INPP4A: variants seen among roughly 807,000 people sequenced by gnomAD.
The protein encoded by INPP4A is inositol polyphosphate-4-phosphatase, type I, 107kD.
INPP4A carries 33 observed loss-of-function variants against 119.8 expected under a neutral mutation model. That is an observed-to-expected ratio of 0.28 (90% CI 0.21 to 0.37). INPP4A has a LOEUF of 0.37. INPP4A is among the 10% of genes least tolerant of loss of function. INPP4A has a pLI of 1.00. For missense variants in INPP4A, 956 were observed against 1,289.9 expected (o/e 0.74, Z 3.97); for synonymous variants, 496 against 500.7 (o/e 0.99, Z 0.12).
At chr2:98,457,980 T>A (rs12622996) in intron 1 of INPP4A, among the ~76,000 whole-genome samples, 2,521 of 99,876 alleles carry the variant, frequency 0.025, 16 homozygotes, top group African/African-American at 0.044. Flanking sequence ...AAACAAAAAT[T>A]TTTTTTTTTT....
rs562780768 is a variant in INPP4A, at chr2:98,483,216, G to A, written c.-165-35748G>A. 3.9e-5 allele frequency among the ~76,000 whole-genome samples: 6 copies of A among 152,232 alleles called. No homozygotes were observed. In the South Asian group the frequency reaches 1.2e-3, roughly 32 times the overall value. ...GACCAATACACTTGAAACTACATAT[G>A]CCTTCCCACCTTCTCTCTAGGTTAC... is the stretch of plus-strand genomic sequence containing the variant. On this transcript the variant is annotated intron_variant, in intron 1 of 24. Coordinates refer to ENST00000409851, the MANE Select transcript of INPP4A (RefSeq NM_001134225.2).
At chr2:98,571,526 T>G (rs1185860383) in intron 22 of INPP4A, among the ~76,000 whole-genome samples, 1 of 152,144 alleles carries the variant, frequency 6.6e-6, no homozygotes, top group African/African-American at 2.4e-5. Context: ...GGGGAGCTGT[T>G]ACAATGGGCA....
chr2:98,553,059 C>A, intron 14 of INPP4A, 90 bp downstream of exon 14: 1 of 1,008,502 alleles, frequency 9.9e-7, no homozygotes, highest in Non-Finnish European at 1.5e-6. Flanking sequence ...TAAGATGGTC[C>A]ACAAAGAGCG....
intron 1 of INPP4A, among the ~76,000 whole-genome samples, chr2:98,474,935 G>C (rs1052476484): frequency 3.3e-5 from 5 of 152,218 alleles, no homozygotes; most frequent in Admixed American, 3.3e-4. Flanking sequence ...AGTTAAAGAT[G>C]ACTTAGGCCC....
rs1691004702 is a variant in INPP4A, at chr2:98,539,603, T to C, written c.746T>C (p.Met249Thr). The change falls in exon 10 of 25, where the codon ATG becomes ACG. Residue 249 changes from methionine (M) to threonine (T), a missense_variant. Met to Thr is a moderately conservative substitution (Grantham distance 81). Transcript: ENST00000409851. ...AACCATTTGCGGATCCTGGAGCAGA[T>C]GGCAGAGAGCGTGCTCTCCCTGCAC... ...DGNHLRILEQ[M>T]AESVLSLHVP... 1 of 1,612,200 alleles carries C rather than the reference T, an allele frequency of 6.2e-7. No individual in the cohort carries two copies. Among genetic ancestry groups the C allele is most frequent in the South Asian group, 1.1e-5 (1 of 90,842 alleles).
chr2:98,581,486 A>G, intron 24 of INPP4A: 1 of 1,280,336 alleles, frequency 7.8e-7, no homozygotes. Flanking sequence ...CCTTTTTGAT[A>G]AAATCCATCG....
rs746606069 is a variant in INPP4A, at chr2:98,496,179, C to T, written c.-165-22785C>T. Among the ~76,000 whole-genome samples the T allele has an allele frequency of 8.5e-4, 130 of 152,292 alleles. 2 individuals carry two copies. The highest frequency in any genetic ancestry group is 3.4e-3 in the Middle Eastern group (1 of 294). ...GACATGTCCAACCTCCTCTTCCCAT[C>T]ATAGCCTTAACTAGATATTCGGGTT... On this transcript the variant is annotated intron_variant, in intron 1 of 24. Coordinates refer to ENST00000409851, the MANE Select transcript of INPP4A (RefSeq NM_001134225.2).
Position 98,564,627 on chromosome 2 carries a change from C to T in INPP4A, c.2029-13C>T, listed in dbSNP as rs1280785520. The T allele has an allele frequency of 1.2e-6, 2 of 1,612,758 alleles. No individual in the cohort carries two copies. Among genetic ancestry groups the T allele is most frequent in the Non-Finnish European group, 8.5e-7 (1 of 1,179,832 alleles). On this transcript the variant is annotated splice_polypyrimidine_tract_variant and intron_variant, in intron 18 of 24. Transcript: ENST00000409851. ...CACCTGACCCTGAACCTCTTCACCC[C>T]ACGCTCCCACAGCTGACCGCCCTCA... is the stretch of plus-strand genomic sequence containing the variant.
chr2:98,475,875 T>C (rs1471872235), intron 1 of INPP4A, among the ~76,000 whole-genome samples: 5 of 152,256 alleles, frequency 3.3e-5, no homozygotes, highest in Non-Finnish European at 4.4e-5. Context: ...CAGTGTGGAA[T>C]GCTGTTATAA....
At chr2:98,481,362 AGTGGGGGCTTGGTCCCTT>A (rs1290376803) in intron 1 of INPP4A, among the ~76,000 whole-genome samples, 2 of 152,136 alleles carry the variant, frequency 1.3e-5, no homozygotes. Context: ...TTCCTATACC[AGTGGGGGCTTGGTCCCTT>A]GGCACGCATA....
chr2:98,499,653 A>G (rs1183984995), intron 1 of INPP4A, among the ~76,000 whole-genome samples: 1 of 152,254 alleles, frequency 6.6e-6, no homozygotes, highest in Non-Finnish European at 1.5e-5. Flanking sequence ...AGTGTCAGAA[A>G]GTCCCTTTTT....
chr2:98,517,409 T>C (rs1224653313), intron 1 of INPP4A, among the ~76,000 whole-genome samples: 1 of 152,196 alleles, frequency 6.6e-6, no homozygotes, highest in Non-Finnish European at 1.5e-5. Flanking sequence ...GGTAGGTGCA[T>C]GTTCAACTTA....
At chr2:98,446,626 T>C (rs932373747) in intron 1 of INPP4A, among the ~76,000 whole-genome samples, 2 of 152,238 alleles carry the variant, frequency 1.3e-5, no homozygotes, top group African/African-American at 4.8e-5. Flanking sequence ...GAAAGAAACA[T>C]TGTGTTTCTA....
chr2:98,489,270 CA>C (rs1680201330), intron 1 of INPP4A, among the ~76,000 whole-genome samples: 1 of 151,958 alleles, frequency 6.6e-6, no homozygotes, highest in African/African-American at 2.4e-5. Context: ...ACCAGGAGTT[CA>C]GGGGCGGGTG....
chr2:98,479,924 TC>T (rs1449731103), intron 1 of INPP4A, among the ~76,000 whole-genome samples: 1 of 152,146 alleles, frequency 6.6e-6, no homozygotes, highest in Non-Finnish European at 1.5e-5. Flanking sequence ...GTTTGTGACT[TC>T]CTAGAAAGCC....
intron 1 of INPP4A, among the ~76,000 whole-genome samples, chr2:98,504,991 C>T (rs1409411366): frequency 6.6e-6 from 1 of 152,186 alleles, no homozygotes; most frequent in East Asian, 1.9e-4. Context: ...ATTGAGCAAG[C>T]CTGAGACCAT....
At chr2:98,544,150 C>G (rs1435596203) in intron 11 of INPP4A, 143 bp downstream of exon 11, 3 of 677,102 alleles carry the variant, frequency 4.4e-6, no homozygotes, top group Non-Finnish European at 6.9e-6. Flanking sequence ...CTGACAGACA[C>G]TTTAATGGAT....
At chr2:98,513,484 T>TACTC (rs775429539) in intron 1 of INPP4A, among the ~76,000 whole-genome samples, 2 of 152,142 alleles carry the variant, frequency 1.3e-5, no homozygotes, top group Admixed American at 1.3e-4. Flanking sequence ...CTCACTCACT[T>TACTC]ACTCACTCAT....
intron 1 of INPP4A, among the ~76,000 whole-genome samples, chr2:98,482,618 G>C (rs1413545271): frequency 6.6e-6 from 1 of 152,240 alleles, no homozygotes; most frequent in African/African-American, 2.4e-5. Context: ...CAGTGGGCCT[G>C]TCACAGGGAG....
Sources: allele counts gnomAD v4.1 joint callset (sites outside exome capture counted in the v4.1 genomes callset), GRCh38; gene constraint gnomAD v4.1.1; transcripts MANE v1.5; gene names NCBI Gene and HGNC (gene_info 2026-07-23, HGNC 2026-07-21).